The following UTP14A variants were observed in gnomAD, a reference collection of about 807,000 sequenced individuals.
UTP14A encodes the protein U3 small nucleolar RNA-associated protein 14 homolog A.
Under a neutral mutation model 57.2 loss-of-function variants are expected in UTP14A, and 5 were observed. That is an observed-to-expected ratio of 0.09 (90% CI 0.05 to 0.18). The LOEUF (loss-of-function observed/expected upper bound fraction) is 0.18. UTP14A is among the 10% of genes least tolerant of loss of function. UTP14A has a pLI of 1.00. For synonymous variants in UTP14A, 169 were observed against 210.9 expected (o/e 0.80, Z 1.72); for missense variants, 430 against 562.1 (o/e 0.76, Z 2.38).
intron 14 of UTP14A, among the ~76,000 whole-genome samples, chrX:129,927,503 TTTTG>T (rs1407941014): frequency 1.8e-5 from 2 of 111,431 alleles, no homozygotes; most frequent in African/African-American, 3.3e-5. Context: ...GACTACTGAT[TTTTG>T]TTTGTTTGTT....
chrX:129,915,054 A>G (rs1323580053), intron 6 of UTP14A, among the ~76,000 whole-genome samples: 1 of 111,125 alleles, frequency 9.0e-6, no homozygotes, highest in African/African-American at 3.3e-5. Flanking sequence ...TCTACTAAAA[A>G]ATATTAAAAA....
chrX:129,908,109 G>C lies in UTP14A; in HGVS notation c.152G>C (p.Ser51Thr). Residue 51 changes from serine (S) to threonine (T), a missense_variant, in exon 3 of 15, where the codon AGT (serine) becomes ACT (threonine). Coordinates refer to ENST00000394422, the MANE Select transcript of UTP14A (RefSeq NM_006649.4). ...CATCAAAAGCTTCTGGAAGCAATCA[G>C]TTCCCTTGATGGAAAGAATAGGTAA... ...RKHQKLLEAI[S>T]SLDGKNRRKL... 1 of 1,208,445 alleles carries C rather than the reference G, an allele frequency of 8.3e-7. No individual in the cohort carries two copies. The highest frequency in any genetic ancestry group is 1.1e-6 in the Non-Finnish European group (1 of 894,155).
At chrX:129,927,836 T>G (rs1930160674) in intron 14 of UTP14A, among the ~76,000 whole-genome samples, 1 of 111,840 alleles carries the variant, frequency 8.9e-6, no homozygotes, top group Middle Eastern at 4.2e-3. Flanking sequence ...ATCCCCATTT[T>G]CTGCTTACGT....
At chrX:129,918,131 A>G (rs1929757639) in intron 6 of UTP14A, among the ~76,000 whole-genome samples, 1 of 111,225 alleles carries the variant, frequency 9.0e-6, no homozygotes, top group Non-Finnish European at 1.9e-5. Context: ...CACGCCTGTA[A>G]TCCCAGCACT....
chrX:129,910,903 G>A (rs1222052070), intron 4 of UTP14A, 105 bp from the exon 5 acceptor site: 20 of 1,005,290 alleles, frequency 2.0e-5, no homozygotes, highest in Non-Finnish European at 4.1e-6. Flanking sequence ...TTGCTTCTCT[G>A]CACATTTGCC....
rs1190627856 is a variant in UTP14A, at chrX:129,921,304, A to C, written c.1065A>C (p.Glu355Asp). 2.5e-6 allele frequency: 3 copies of C among 1,211,115 alleles called. No homozygotes were observed. The highest frequency in any genetic ancestry group is 2.2e-6 in the Non-Finnish European group (2 of 895,401). ...AGGGAGGCACAGAAGATGTGGAAGAACTCCTTGTCCCTGATGTAGTGAATG... is the reference window on the plus strand; with the variant it reads ...AGGGAGGCACAGAAGATGTGGAAGACCTCCTTGTCCCTGATGTAGTGAATG... ...EEEGGTEDVE[E>D]LLVPDVVNEV... The change falls in exon 11 of 15, where the codon GAA (glutamate) becomes GAC (aspartate). Residue 355 changes from glutamate (E) to aspartate (D), a missense_variant. Physicochemically the swap from Glu to Asp is conservative, Grantham distance 45. Around this residue, in one of 4 missense-constraint regions of UTP14A, gnomAD observed 83 missense variants for 140.4 expected, o/e 0.59. Coordinates refer to ENST00000394422, the MANE Select transcript of UTP14A (RefSeq NM_006649.4).
At chrX:129,914,224 C>T (rs946960500) in intron 6 of UTP14A, among the ~76,000 whole-genome samples, 2 of 111,137 alleles carry the variant, frequency 1.8e-5, no homozygotes, top group Non-Finnish European at 3.8e-5. Flanking sequence ...CTCCTTACAA[C>T]TTAGATTGCA....
intron 6 of UTP14A, among the ~76,000 whole-genome samples, chrX:129,912,737 G>C (rs1031343809): frequency 1.4e-4 from 16 of 111,405 alleles, no homozygotes; most frequent in African/African-American, 4.9e-4. Context: ...CTGAGCTGCA[G>C]GGCAGGGGTT....
Position 129,908,623 on chromosome X carries a change from C to A in UTP14A, c.174-47C>A, listed in dbSNP as rs140082940. On this transcript the variant is annotated intron_variant, in intron 3 of 14. Transcript: ENST00000394422. Reference sequence around the variant, plus strand: ...TGTTTGTCTCTCCCAACCCCAAGCCCCCATAAAATTTATTCATTCCTATTA... The same window carrying A: ...TGTTTGTCTCTCCCAACCCCAAGCCACCATAAAATTTATTCATTCCTATTA... The A allele has an allele frequency of 4.7e-4, 529 of 1,131,940 alleles. 1 individual carries two copies. The African/African-American group carries it at 8.3e-3, about 18-fold the overall frequency. 93.3% of individuals were successfully genotyped at this position (1,131,940 alleles called of 1,213,427 possible).
At chrX:129,918,009 C>CA (rs1198717840) in intron 6 of UTP14A, among the ~76,000 whole-genome samples, 2 of 111,976 alleles carry the variant, frequency 1.8e-5, no homozygotes, top group Non-Finnish European at 3.8e-5. Context: ...TGGCTATGGT[C>CA]AAAAAAAGTT....
chrX:129,927,937 A>G (rs1171263326), intron 14 of UTP14A, among the ~76,000 whole-genome samples: 2 of 111,912 alleles, frequency 1.8e-5, no homozygotes, highest in Non-Finnish European at 1.9e-5. Flanking sequence ...GCAAGGAAAC[A>G]GGAGCTTTGG....
Position 129,925,923 on chromosome X carries a change from A to G in UTP14A, c.1754A>G (p.Asp585Gly). 1 of 1,210,623 alleles carries G rather than the reference A, an allele frequency of 8.3e-7. No individual in the cohort carries two copies. The highest frequency in any genetic ancestry group is 1.1e-6 in the Non-Finnish European group (1 of 895,132). The change falls in exon 13 of 15, where the codon GAT becomes GGT. Residue 585 changes from aspartate to glycine, a missense_variant. Asp to Gly is a moderately conservative substitution (Grantham distance 94). This residue lies in a region of UTP14A where 82 missense variants were observed against 151.4 expected (regional missense o/e 0.54). Transcript: ENST00000394422. ...LAVPTIEELEDEEERNHRQMI... is the reference protein window; with the variant it reads ...LAVPTIEELEGEEERNHRQMI... ...CTCTCGCTTGTTTCTTCCCAGGAAG[A>G]TGAAGAGGAGAGAAACCATAGGCAG...
intron 10 of UTP14A, chrX:129,920,960 G>A: frequency 1.3e-6 from 1 of 754,172 alleles, no homozygotes. Flanking sequence ...CAAAGGGGGA[G>A]AGGAGCTTTT....
rs749551821 is a variant in UTP14A, at chrX:129,911,826, G to A, written c.442G>A (p.Val148Ile). 1.2e-5 allele frequency: 14 copies of A among 1,209,518 alleles called. No individual in the cohort carries two copies. The highest frequency in any genetic ancestry group is 2.3e-4 in the Middle Eastern group (1 of 4,336). The change falls in exon 6 of 15, where the codon GTC (valine) becomes ATC (isoleucine). Residue 148 changes from valine (V) to isoleucine (I), a missense_variant. Val to Ile is a conservative substitution (Grantham distance 29). Coordinates refer to ENST00000394422, the MANE Select transcript of UTP14A (RefSeq NM_006649.4). ...AGTCCTCTCCAAATGGGACCCTGTC[G>A]TCCTGAAGAACCGGCAGGCAGAGCA... ...AQVLSKWDPV[V>I]LKNRQAEQLV...
rs12011935 is a variant in UTP14A, at chrX:129,918,253, G to A, written c.538-922G>A. On this transcript the variant is annotated intron_variant, in intron 6 of 14. Transcript: ENST00000394422. ...ATAAAAAAAGTTAGCCAGGCATGGT[G>A]GCTTACACTTGTGGTCCCAGCTGCG... 5.3e-3 allele frequency among the ~76,000 whole-genome samples: 578 copies of A among 109,909 alleles called. 3 individuals carry two copies. The highest frequency in any genetic ancestry group is 0.018 in the African/African-American group (554 of 30,179).
intron 14 of UTP14A, among the ~76,000 whole-genome samples, chrX:129,927,046 A>G (rs1424367731): frequency 1.8e-5 from 2 of 111,778 alleles, no homozygotes; most frequent in African/African-American, 3.3e-5. Flanking sequence ...TTAAACCTAT[A>G]TAACTAGAAA....
chrX:129,928,825 G>A (rs1187867220), intron 14 of UTP14A, among the ~76,000 whole-genome samples: 3 of 111,521 alleles, frequency 2.7e-5, no homozygotes, highest in Non-Finnish European at 5.7e-5. Flanking sequence ...GGGTAGAAAA[G>A]TCATAAAATC....
Position 129,925,792 on chromosome X carries a change from G to T in UTP14A, c.1750-127G>T, listed in dbSNP as rs775294867. The T allele has an allele frequency of 4.7e-6, 4 of 846,835 alleles. No individual in the cohort carries two copies. In the East Asian group the frequency reaches 1.4e-4, roughly 29 times the overall value. 69.8% of individuals were successfully genotyped at this position (846,835 alleles called of 1,213,427 possible). A position where few individuals can be genotyped will look rare whatever the true frequency, so the allele number is the denominator to read the frequency against. ...GATTGGCTGTGCACTGGTTTGTATC[G>T]CAAGACCATCATTGTTCAGCACTTC... On this transcript the variant is annotated intron_variant, in intron 12 of 14. Transcript: ENST00000394422.
intron 3 of UTP14A, 123 bp from the exon 4 acceptor site, chrX:129,908,547 C>A: frequency 1.0e-5 from 7 of 682,316 alleles, no homozygotes; most frequent in Non-Finnish European, 1.6e-5. Flanking sequence ...CATGACAAAA[C>A]ATGACCCTAG....
Sources: allele counts gnomAD v4.1 joint callset (sites outside exome capture counted in the v4.1 genomes callset), GRCh38; gene constraint gnomAD v4.1.1; regional missense constraint gnomAD v4.1.1; transcripts MANE v1.5; gene names NCBI Gene and HGNC (gene_info 2026-07-23, HGNC 2026-07-21).